SHISA9: variants seen among roughly 807,000 people sequenced by gnomAD.
SHISA9 encodes protein shisa-9.
SHISA9 carries 13 observed loss-of-function variants against 38.0 expected under a neutral mutation model. The ratio of observed to expected loss-of-function variants is 0.34; its 90% CI spans 0.22 to 0.54. The LOEUF (loss-of-function observed/expected upper bound fraction) is 0.54, where lower values mean the gene tolerates loss of function less well. SHISA9 is among the 20% of genes least tolerant of loss of function. The pLI, the probability that SHISA9 is intolerant of heterozygous loss-of-function variation, is 0.91. For missense variants in SHISA9, 538 were observed against 575.8 expected, an observed-to-expected ratio of 0.93 and a Z score of 0.67; for synonymous variants, 275 against 242.0, an observed-to-expected ratio of 1.14 and a Z score of -1.27.
chr16:13,195,298 G>A (rs1178947812), intron 2 of SHISA9, among the ~76,000 whole-genome samples: 11 of 152,148 alleles, frequency 7.2e-5, no homozygotes, highest in Admixed American at 6.5e-4. Flanking sequence ...TCTGTCAAAG[G>A]AGACAATTGA....
At chr16:13,293,732 A>G in the SHISA9 span, among the ~76,000 whole-genome samples, 1 of 152,202 alleles carries the variant, frequency 6.6e-6, no homozygotes, top group Admixed American at 6.5e-5. Context: ...ATGTTTTTCC[A>G]TGGCTCTGCC....
At chr16:13,352,017 A>G in the SHISA9 span, among the ~76,000 whole-genome samples, 19 of 152,320 alleles carry the variant, frequency 1.2e-4, 1 homozygote, top group Middle Eastern at 0.01. Flanking sequence ...CTTTCCTGAC[A>G]TCAAAGGATG....
At chr16:13,427,223 G>A in the SHISA9 span, among the ~76,000 whole-genome samples, 3 of 152,190 alleles carry the variant, frequency 2.0e-5, no homozygotes, top group Non-Finnish European at 2.9e-5. Flanking sequence ...AGAGTCACAC[G>A]TCAAAGAGAA....
the SHISA9 span, among the ~76,000 whole-genome samples, chr16:13,315,795 C>G: frequency 1.3e-5 from 2 of 152,102 alleles, no homozygotes; most frequent in Admixed American, 6.5e-5. Flanking sequence ...ATGGATAGCT[C>G]TCCTATGGAG....
chr16:13,446,549 A>C, the SHISA9 span, among the ~76,000 whole-genome samples: 1 of 152,180 alleles, frequency 6.6e-6, no homozygotes, highest in African/African-American at 2.4e-5. Flanking sequence ...AAGATGTCTT[A>C]GAGAATGAGA....
At chr16:13,305,011 A>G in the SHISA9 span, among the ~76,000 whole-genome samples, 3 of 152,206 alleles carry the variant, frequency 2.0e-5, no homozygotes, top group Non-Finnish European at 4.4e-5. Flanking sequence ...AATATTTCTT[A>G]TCCAAAATGC....
chr16:13,076,025 AT>A (rs2073577316), intron 2 of SHISA9, among the ~76,000 whole-genome samples: 1 of 150,762 alleles, frequency 6.6e-6, no homozygotes, highest in Non-Finnish European at 1.5e-5. Context: ...CCATTGAGAA[AT>A]AGATTTTTTT....
At chr16:13,370,616 T>C in the SHISA9 span, among the ~76,000 whole-genome samples, 1 of 152,218 alleles carries the variant, frequency 6.6e-6, no homozygotes, top group African/African-American at 2.4e-5. Flanking sequence ...TTTCCAAACA[T>C]GTGAAGGGTC....
At chr16:13,358,395 C>A in the SHISA9 span, among the ~76,000 whole-genome samples, 2 of 152,130 alleles carry the variant, frequency 1.3e-5, no homozygotes, top group East Asian at 1.9e-4. Context: ...CCCCCACCCC[C>A]CAACAGGCTG....
chr16:13,519,766 G>A, the SHISA9 span, among the ~76,000 whole-genome samples: 2 of 152,178 alleles, frequency 1.3e-5, no homozygotes, highest in South Asian at 4.2e-4. Context: ...ATGCAAAAGG[G>A]GGAAGAGCCC....
the SHISA9 span, among the ~76,000 whole-genome samples, chr16:13,452,729 C>A: frequency 6.6e-6 from 1 of 151,982 alleles, no homozygotes; most frequent in African/African-American, 2.4e-5. Flanking sequence ...ACCTCTTCAA[C>A]CTCAGCTCTC....
At chr16:13,353,142 G>A in the SHISA9 span, among the ~76,000 whole-genome samples, 2,918 of 152,056 alleles carry the variant, frequency 0.019, 38 homozygotes, top group Middle Eastern at 0.037. Flanking sequence ...AAGCGGGATT[G>A]GGGGCGGTGT....
In SHISA9 at chr16:13,238,401, T is replaced by A. The variant is rs2051405482; in HGVS notation, c.*2992T>A. 2.6e-5 allele frequency: 4 copies of A among 152,292 alleles called. No homozygotes were observed. The South Asian group carries it at 8.3e-4, about 32-fold the overall frequency. 9.4% of individuals were successfully genotyped at this position (152,292 alleles called of 1,614,324 possible). On this transcript the variant is annotated 3_prime_UTR_variant, in exon 5 of 5. Coordinates refer to ENST00000558583, the MANE Select transcript of SHISA9 (RefSeq NM_001145204.3). The stretch of plus-strand genomic sequence containing the variant: ...CTGTGAGGCTCTTTCCAGCTCAAAG[T>A]TTCCATAATTCTTATCTCCCTTTTA...
At position 13,098,092 on chromosome 16, in the gene SHISA9, G is replaced by A. The variant is rs138684203; in HGVS notation, c.692-105302G>A. ...ATTTCGCAGAAGAAACGGAGGGTCA[G>A]AGAGATGAAGTCACCTGTCCCAGGT... On this transcript the variant is annotated intron_variant, in intron 2 of 4. Transcript: ENST00000558583. 3.3e-5 allele frequency among the ~76,000 whole-genome samples: 5 copies of A among 152,310 alleles called. No homozygotes were observed. The South Asian group carries it at 6.2e-4, about 19-fold the overall frequency.
At chr16:13,351,060 A>G in the SHISA9 span, among the ~76,000 whole-genome samples, 1 of 152,200 alleles carries the variant, frequency 6.6e-6, no homozygotes, top group Non-Finnish European at 1.5e-5. Flanking sequence ...TTATGTGAAT[A>G]TATTTTTATA....
the SHISA9 span, among the ~76,000 whole-genome samples, chr16:13,247,305 C>G: frequency 1.3e-5 from 2 of 152,156 alleles, no homozygotes; most frequent in African/African-American, 2.4e-5. Flanking sequence ...GGTGGGGACA[C>G]AGAGTGAAAC....
chr16:13,038,609 T>C (rs762503761), intron 2 of SHISA9, among the ~76,000 whole-genome samples: 3 of 152,250 alleles, frequency 2.0e-5, no homozygotes, highest in Non-Finnish European at 4.4e-5. Context: ...TTCATTCTTA[T>C]ATAACCTCCA....
chr16:13,266,788 G>A, the SHISA9 span, among the ~76,000 whole-genome samples: 1 of 152,086 alleles, frequency 6.6e-6, no homozygotes, highest in African/African-American at 2.4e-5. Flanking sequence ...AGGAGGGAAG[G>A]ATGAAAAACA....
intron 2 of SHISA9, among the ~76,000 whole-genome samples, chr16:13,007,690 C>G (rs1268955595): frequency 2.6e-5 from 4 of 152,228 alleles, no homozygotes; most frequent in Non-Finnish European, 5.9e-5. Context: ...CCATGCAGAT[C>G]TGCTCACTGT....
Sources: allele counts gnomAD v4.1 joint callset (sites outside exome capture counted in the v4.1 genomes callset), GRCh38; gene constraint gnomAD v4.1.1; transcripts MANE v1.5; gene names NCBI Gene and HGNC (gene_info 2026-07-23, HGNC 2026-07-21).